CSMD1: variants seen among roughly 807,000 people sequenced by gnomAD.
CSMD1 encodes CUB and Sushi multiple domains 1.
CSMD1 carries 213 observed loss-of-function variants against 417.5 expected under a neutral mutation model. The ratio of observed to expected loss-of-function variants is 0.51; its 90% CI spans 0.46 to 0.57. The LOEUF is 0.57. CSMD1 is among the 20% of genes least tolerant of loss of function. The pLI, the probability that CSMD1 is intolerant of heterozygous loss-of-function variation, is 0.00. For synonymous variants in CSMD1, 2,862 were observed against 1,736.8 expected (o/e 1.65, Z -16.11); for missense variants, 6,923 against 4,529.7 (o/e 1.53, Z -15.17).
At chr8:4,904,384 T>C (rs1412935043) in intron 1 of CSMD1, among the ~76,000 whole-genome samples, 4 of 152,198 alleles carry the variant, frequency 2.6e-5, no homozygotes, top group African/African-American at 9.7e-5. Context: ...AAATTTCTCT[T>C]TCACAGTAGT....
chr8:4,709,088 C>T (rs1808129306), intron 1 of CSMD1, among the ~76,000 whole-genome samples: 1 of 152,168 alleles, frequency 6.6e-6, no homozygotes, highest in African/African-American at 2.4e-5. Context: ...ATATGCTTCC[C>T]AATATGGTAG....
At chr8:3,822,954 G>T (rs547633675) in intron 5 of CSMD1, among the ~76,000 whole-genome samples, 77 of 152,306 alleles carry the variant, frequency 5.1e-4, no homozygotes, top group African/African-American at 1.6e-3. Flanking sequence ...GCTAAGAAAA[G>T]TTGAATCAAC....
chr8:3,791,818 G>C (rs769440244), intron 5 of CSMD1, among the ~76,000 whole-genome samples: 1 of 146,910 alleles, frequency 6.8e-6, no homozygotes, highest in East Asian at 2.1e-4. Context: ...ATAAGACTCA[G>C]TATCAAATAA....
At chr8:4,885,328 A>C (rs1375183202) in intron 1 of CSMD1, among the ~76,000 whole-genome samples, 4 of 151,784 alleles carry the variant, frequency 2.6e-5, no homozygotes, top group African/African-American at 9.7e-5. Context: ...CTTGTCTTTC[A>C]TTTTCTTGCC....
chr8:4,916,253 T>C (rs1806061266), intron 1 of CSMD1, among the ~76,000 whole-genome samples: 1 of 149,152 alleles, frequency 6.7e-6, no homozygotes, highest in African/African-American at 2.6e-5. Flanking sequence ...TTCGGCACAC[T>C]ACGATGACAA....
At chr8:3,555,369 A>G (rs746308572) in intron 10 of CSMD1, among the ~76,000 whole-genome samples, 1 of 151,996 alleles carries the variant, frequency 6.6e-6, no homozygotes, top group African/African-American at 2.4e-5. Context: ...GTCATTGATG[A>G]TGACAGTCTG....
At chr8:4,251,867 G>A (rs1229095800) in intron 3 of CSMD1, among the ~76,000 whole-genome samples, 1 of 148,280 alleles carries the variant, frequency 6.7e-6, no homozygotes, top group Non-Finnish European at 1.5e-5. Context: ...GGAGGAGAGA[G>A]AGGGTGGAGG....
chr8:2,964,253 C>G (rs1239619726), intron 59 of CSMD1, among the ~76,000 whole-genome samples: 1 of 152,338 alleles, frequency 6.6e-6, no homozygotes, highest in South Asian at 2.1e-4. Flanking sequence ...GACATGCCAA[C>G]ACACACAAAT....
chr8:4,233,111 T>C (rs1435553447), intron 3 of CSMD1, among the ~76,000 whole-genome samples: 2 of 152,188 alleles, frequency 1.3e-5, no homozygotes, highest in African/African-American at 2.4e-5. Flanking sequence ...AGTTGGAAAA[T>C]GCTATCACTT....
chr8:3,235,145 G>A (rs1449099318), intron 26 of CSMD1, among the ~76,000 whole-genome samples: 1 of 152,144 alleles, frequency 6.6e-6, no homozygotes, highest in Non-Finnish European at 1.5e-5. Flanking sequence ...TACAGTGATA[G>A]TCACTGTAAA....
chr8:3,221,383 G>A (rs530381246), intron 28 of CSMD1, among the ~76,000 whole-genome samples: 140 of 152,284 alleles, frequency 9.2e-4, no homozygotes, highest in African/African-American at 3.2e-3. Context: ...TGTGGGTTAC[G>A]TAGAATTTTA....
intron 37 of CSMD1, 84 bp downstream of exon 37, chr8:3,181,026 T>C: frequency 1.2e-6 from 1 of 827,884 alleles, no homozygotes; most frequent in Admixed American, 2.3e-5. Context: ...ATTTCACTGT[T>C]TAATAAGAGC....
At chr8:4,008,291 AAT>A (rs1585123173) in intron 4 of CSMD1, among the ~76,000 whole-genome samples, 1 of 152,278 alleles carries the variant, frequency 6.6e-6, no homozygotes, top group Admixed American at 6.5e-5. Flanking sequence ...TATTAAAACA[AAT>A]ATAGTTATTC....
intron 63 of CSMD1, among the ~76,000 whole-genome samples, chr8:2,956,911 G>A (rs1165116297): frequency 6.6e-6 from 1 of 152,006 alleles, no homozygotes. Context: ...ATATGTACAT[G>A]TACTATCAAC....
At chr8:4,054,891 G>C (rs546332479) in intron 3 of CSMD1, among the ~76,000 whole-genome samples, 1 of 152,082 alleles carries the variant, frequency 6.6e-6, no homozygotes, top group Non-Finnish European at 1.5e-5. Context: ...CAAAGGCTAC[G>C]TCTGCCTGTG....
intron 23 of CSMD1, among the ~76,000 whole-genome samples, chr8:3,332,348 G>C (rs1806958870): frequency 6.6e-6 from 1 of 152,224 alleles, no homozygotes; most frequent in South Asian, 2.1e-4. Flanking sequence ...GGTTGCTGAG[G>C]GCTTGCCCGC....
chr8:4,092,577 C>A (rs1374012235), intron 3 of CSMD1, among the ~76,000 whole-genome samples: 1 of 152,128 alleles, frequency 6.6e-6, no homozygotes, highest in Non-Finnish European at 1.5e-5. Flanking sequence ...TCTTTCTTAA[C>A]ACTACCAATA....
chr8:2,965,629 A>G, intron 59 of CSMD1, 146 bp downstream of exon 59: 1 of 637,152 alleles, frequency 1.6e-6, no homozygotes, highest in South Asian at 2.3e-5. Context: ...TATTATAAAA[A>G]TAAAGTGACT....
intron 25 of CSMD1, among the ~76,000 whole-genome samples, chr8:3,294,968 C>A (rs62504371): frequency 0.084 from 12,764 of 152,160 alleles, 666 homozygotes; most frequent in Non-Finnish European, 0.12. Context: ...CTTGGCTCCA[C>A]CCATCCCATT....
Sources: allele counts gnomAD v4.1 joint callset (sites outside exome capture counted in the v4.1 genomes callset), GRCh38; gene constraint gnomAD v4.1.1; transcripts MANE v1.5; gene names NCBI Gene and HGNC (gene_info 2026-07-23, HGNC 2026-07-21).